The following CHL1 variants were observed in gnomAD, a reference collection of about 807,000 sequenced individuals.
CHL1 encodes the protein cell adhesion molecule L1 like, also known as neural cell adhesion molecule L1-like protein.
Under a neutral mutation model 141.9 loss-of-function variants are expected in CHL1, and 96 were observed. The ratio of observed to expected loss-of-function variants is 0.68; its 90% CI spans 0.57 to 0.80. CHL1 has a LOEUF of 0.80. Among genes scored for constraint, CHL1 ranks in the 30% least tolerant of loss-of-function variants. CHL1 has a pLI of 0.00. For synonymous variants in CHL1, 613 were observed against 502.2 expected (o/e 1.22, Z -2.95); for missense variants, 1,820 against 1,457.2 (o/e 1.25, Z -4.05).
intron 25 of CHL1, 49 bp downstream of exon 25, chr3:398,434 G>A: frequency 2.4e-6 from 3 of 1,237,142 alleles, no homozygotes; most frequent in Middle Eastern, 1.9e-4. Context: ...TCTATGTCCT[G>A]TAGAATACTT....
intron 5 of CHL1, chr3:328,566 C>T (rs926341880): frequency 9.9e-6 from 4 of 404,826 alleles, no homozygotes; most frequent in East Asian, 3.8e-5. Context: ...GTTTCAGTAA[C>T]CTTATATCTA....
rs185246473 is a variant in CHL1 at position 260,501 on chromosome 3, G to A, written c.-95+15809G>A. On this transcript the variant is annotated intron_variant, in intron 2 of 27. Coordinates refer to ENST00000256509, the MANE Select transcript of CHL1 (RefSeq NM_006614.4). ...AAGGGCCTTATTCAAACCTTGTTTCGACTATGATGATGTCATGGTTGAGGA... is the reference window on the plus strand; with the variant it reads ...AAGGGCCTTATTCAAACCTTGTTTCAACTATGATGATGTCATGGTTGAGGA... Among the ~76,000 whole-genome samples, 22 of 152,122 alleles carry A rather than the reference G, an allele frequency of 1.4e-4. No homozygotes were observed. The East Asian group carries it at 3.9e-3, about 27-fold the overall frequency.
intron 2 of CHL1, among the ~76,000 whole-genome samples, chr3:257,405 G>C (rs1293530426): frequency 6.7e-6 from 1 of 148,724 alleles, no homozygotes; most frequent in Non-Finnish European, 1.5e-5. Context: ...CCAGGCTGGA[G>C]TGCAGTGGCA....
Position 389,324 on chromosome 3 carries a change from G to C in CHL1, c.2320G>C (p.Val774Leu). The stretch of plus-strand genomic sequence containing the variant: ...GACCTGGAAGCCACAGGGAGCCCCA[G>C]TGGAGTGGGAAGAAGAAACAGTCAC... The part of the protein sequence containing the change: ...RVTWKPQGAP[V>L]EWEEETVTNH... Residue 774 changes from valine (V) to leucine (L), a missense_variant, in exon 20 of 28, where the codon GTG (valine) becomes CTG (leucine). Transcript: ENST00000256509. The C allele has an allele frequency of 6.2e-7, 1 of 1,614,188 alleles. No individual in the cohort carries two copies. Among genetic ancestry groups the C allele is most frequent in the Non-Finnish European group, 8.5e-7 (1 of 1,180,034 alleles).
At chr3:391,847 G>A (rs756133501) in intron 23 of CHL1, 50 bp downstream of exon 23, 2 of 1,443,690 alleles carry the variant, frequency 1.4e-6, no homozygotes, top group Admixed American at 4.0e-5. Flanking sequence ...TCATTTTTTG[G>A]TTGAATATTC....
At chr3:298,683 T>C (rs1698432707) in intron 2 of CHL1, among the ~76,000 whole-genome samples, 1 of 152,128 alleles carries the variant, frequency 6.6e-6, no homozygotes, top group African/African-American at 2.4e-5. Flanking sequence ...AATAGGAGAT[T>C]TGACTGGGCT....
At position 390,773 on chromosome 3, in the gene CHL1, C is replaced by G; in HGVS notation, c.2543C>G (p.Thr848Arg). ...ACATTAGTTAAAGTTACCTGGTCAA[C>G]AGTTCCAAAGGACAGAGTACATGGA... The part of the protein sequence containing the change: ...NSTLVKVTWS[T>R]VPKDRVHGRL... The change falls in exon 21 of 28, where the codon ACA (threonine) becomes AGA (arginine). Residue 848 changes from threonine (T) to arginine (R), a missense_variant. Transcript: ENST00000256509. 1 of 1,612,226 alleles carries G rather than the reference C, an allele frequency of 6.2e-7. No homozygotes were observed. Among genetic ancestry groups the G allele is most frequent in the Non-Finnish European group, 8.5e-7 (1 of 1,178,252 alleles).
chr3:353,667 C>A (rs1484275964), intron 10 of CHL1, among the ~76,000 whole-genome samples: 1 of 152,110 alleles, frequency 6.6e-6, no homozygotes, highest in East Asian at 1.9e-4. Context: ...CTTTTTCTTC[C>A]TTTACTTAGA....
intron 5 of CHL1, among the ~76,000 whole-genome samples, chr3:340,082 C>T (rs1230889512): frequency 6.6e-6 from 1 of 152,170 alleles, no homozygotes; most frequent in Non-Finnish European, 1.5e-5. Context: ...ATTTCAAATT[C>T]TGCACAATTC....
chr3:225,003 G>T (rs1182342667), intron 1 of CHL1, among the ~76,000 whole-genome samples: 1 of 152,088 alleles, frequency 6.6e-6, no homozygotes, highest in South Asian at 2.1e-4. Flanking sequence ...AGGTGTGGTG[G>T]CTCACGCCTG....
At chr3:216,810 T>A (rs1700363406) in intron 1 of CHL1, among the ~76,000 whole-genome samples, 1 of 152,216 alleles carries the variant, frequency 6.6e-6, no homozygotes, top group African/African-American at 2.4e-5. Flanking sequence ...CCAGACTTAC[T>A]TCCTTAAGCA....
In CHL1 at chr3:389,313, AG is replaced by A. The variant is rs1559347862; in HGVS notation, c.2312del (p.Gly771GlufsTer18). 1 of 1,614,122 alleles carries A rather than the reference AG, an allele frequency of 6.2e-7. No homozygotes were observed. ...GAGTACAGAGTGACCTGGAAGCCACAGGGAGCCCCAGTGGAGTGGGAAGAAG... is the reference window on the plus strand; with the variant it reads ...GAGTACAGAGTGACCTGGAAGCCACAGGAGCCCCAGTGGAGTGGGAAGAAG... ...GLEYRVTWKP[Q>X]GAPVEWEEET... is the part of the protein sequence containing the mutation. On this transcript the variant is annotated frameshift_variant, in exon 20 of 28. Coordinates refer to ENST00000256509, the MANE Select transcript of CHL1 (RefSeq NM_006614.4). LOFTEE classifies it high-confidence loss of function.
intron 5 of CHL1, among the ~76,000 whole-genome samples, chr3:331,611 G>T (rs1298443913): frequency 6.6e-6 from 1 of 152,046 alleles, no homozygotes; most frequent in Non-Finnish European, 1.5e-5. Context: ...TCCTACATTT[G>T]ATTTTAGATC....
chr3:350,134 T>C (rs1284698700), intron 10 of CHL1, among the ~76,000 whole-genome samples: 1 of 152,200 alleles, frequency 6.6e-6, no homozygotes, highest in Non-Finnish European at 1.5e-5. Context: ...TGCTATAATA[T>C]TAATTCTCTC....
chr3:215,431 T>C (rs910237837), intron 1 of CHL1, among the ~76,000 whole-genome samples: 3 of 152,178 alleles, frequency 2.0e-5, no homozygotes, highest in Non-Finnish European at 4.4e-5. Flanking sequence ...AGGAAGAGAT[T>C]GGTCAATGAC....
chr3:323,740 C>G (rs1201720466), intron 3 of CHL1, among the ~76,000 whole-genome samples: 1 of 151,986 alleles, frequency 6.6e-6, no homozygotes, highest in Non-Finnish European at 1.5e-5. Flanking sequence ...CAGAGATGGC[C>G]TTTAGTTCTA....
At chr3:394,638 A>C in intron 23 of CHL1, 55 bp from the exon 24 acceptor site, 1 of 1,260,200 alleles carries the variant, frequency 7.9e-7, no homozygotes, top group Non-Finnish European at 1.1e-6. Context: ...ATAATGAAGA[A>C]TGCAACTTGA....
chr3:296,326 C>G (rs1698182510), intron 2 of CHL1, among the ~76,000 whole-genome samples: 1 of 152,150 alleles, frequency 6.6e-6, no homozygotes, highest in African/African-American at 2.4e-5. Flanking sequence ...CTACCTAATA[C>G]AAATGGAATT....
intron 2 of CHL1, among the ~76,000 whole-genome samples, chr3:263,778 T>C (rs995830005): frequency 6.6e-6 from 1 of 152,244 alleles, no homozygotes; most frequent in Non-Finnish European, 1.5e-5. Context: ...ACCACATCTA[T>C]ATTGGCCTAG....
Sources: gnomAD v4.1 joint callset for allele counts (sites outside exome capture counted in the v4.1 genomes callset) on GRCh38, gnomAD v4.1.1 for gene constraint, MANE v1.5 for transcripts, NCBI Gene and HGNC (gene_info 2026-07-23, HGNC 2026-07-21) for gene names.